Variants in PTPRD observed in about 807,000 individuals in gnomAD.
PTPRD encodes the protein receptor-type tyrosine-protein phosphatase delta.
A neutral mutation model predicts 214.5 loss-of-function variants in PTPRD; 34 were observed. That is an observed-to-expected ratio of 0.16 (90% CI 0.12 to 0.21). PTPRD has a LOEUF of 0.21. Ranked by LOEUF, PTPRD falls within the 10% of genes least tolerant of loss-of-function variation. The probability of loss-of-function intolerance (pLI) is 1.00; values close to 1 mark genes in which losing one functional copy is unlikely to be tolerated. For synonymous variants in PTPRD, 1,128 were observed against 845.7 expected, an observed-to-expected ratio of 1.33 and a Z score of -5.79; for missense variants, 2,545 against 2,398.7, an observed-to-expected ratio of 1.06 and a Z score of -1.27.
At chr9:9,918,133 G>C (rs535477623) in intron 5 of PTPRD, among the ~76,000 whole-genome samples, 2 of 151,978 alleles carry the variant, frequency 1.3e-5, no homozygotes, top group African/African-American at 4.8e-5. Context: ...TAGATGACAT[G>C]ATTTTGTACA....
At chr9:8,998,077 T>C (rs2099403874) in intron 11 of PTPRD, among the ~76,000 whole-genome samples, 2 of 152,082 alleles carry the variant, frequency 1.3e-5, no homozygotes, top group Non-Finnish European at 2.9e-5. Flanking sequence ...AACATAATAG[T>C]GCAAGGTAAA....
Position 8,735,739 on chromosome 9 carries a change from G to A in PTPRD, c.-103-1793C>T, listed in dbSNP as rs183224732. On this transcript the variant is annotated intron_variant, in intron 11 of 45. Coordinates refer to ENST00000381196, the MANE Select transcript of PTPRD (RefSeq NM_002839.4). Reference sequence around the variant, plus strand: ...AGCCTGGCCAACATGGTGAAACTCCGTCTCTACTAAAAACACAAAAAAATT... The same window carrying A: ...AGCCTGGCCAACATGGTGAAACTCCATCTCTACTAAAAACACAAAAAAATT... Among the ~76,000 whole-genome samples the A allele has an allele frequency of 1.5e-3, 225 of 151,898 alleles. 1 individual carries two copies. Among genetic ancestry groups the A allele is most frequent in the African/African-American group, 5.2e-3 (215 of 41,456 alleles).
chr9:9,549,165 T>A (rs2079568463), intron 8 of PTPRD, among the ~76,000 whole-genome samples: 1 of 152,106 alleles, frequency 6.6e-6, no homozygotes, highest in African/African-American at 2.4e-5. Flanking sequence ...AAACTCGGGC[T>A]TAATCATTTT....
intron 34 of PTPRD, among the ~76,000 whole-genome samples, chr9:8,445,624 C>G (rs530084626): frequency 6.6e-6 from 1 of 152,250 alleles, no homozygotes; most frequent in South Asian, 2.1e-4. Flanking sequence ...ATGCAGCATC[C>G]TGGGATCCTA....
chr9:8,479,595 T>C (rs1450823206), intron 30 of PTPRD, among the ~76,000 whole-genome samples: 1 of 152,156 alleles, frequency 6.6e-6, no homozygotes. Context: ...TGCAATATTC[T>C]CAACTCCTTC....
At chr9:8,652,587 G>A (rs2096834512) in intron 12 of PTPRD, among the ~76,000 whole-genome samples, 1 of 152,178 alleles carries the variant, frequency 6.6e-6, no homozygotes, top group East Asian at 1.9e-4. Context: ...ACCATTTTAG[G>A]ACCTCCTCCC....
chr9:8,753,899 C>A (rs1307333599), intron 11 of PTPRD, among the ~76,000 whole-genome samples: 2 of 152,052 alleles, frequency 1.3e-5, no homozygotes, highest in Admixed American at 1.3e-4. Flanking sequence ...AATCCCAGCA[C>A]TTTAGGAGGC....
At chr9:10,503,703 T>C (rs988482519) in intron 2 of PTPRD, among the ~76,000 whole-genome samples, 1 of 151,948 alleles carries the variant, frequency 6.6e-6, no homozygotes, top group Non-Finnish European at 1.5e-5. Flanking sequence ...GTAGGCCAGA[T>C]TAAAGATAAA....
chr9:9,749,442 G>A (rs781182096), intron 6 of PTPRD, among the ~76,000 whole-genome samples: 1 of 152,122 alleles, frequency 6.6e-6, no homozygotes, highest in East Asian at 1.9e-4. Flanking sequence ...AGGCTCAGGA[G>A]GGGAAGAACA....
intron 8 of PTPRD, among the ~76,000 whole-genome samples, chr9:9,542,768 T>C (rs1218204587): frequency 6.6e-6 from 1 of 151,730 alleles, no homozygotes; most frequent in Non-Finnish European, 1.5e-5. Context: ...AGATGACATT[T>C]CAGTTTACTA....
At chr9:10,258,673 C>T (rs192646546) in intron 3 of PTPRD, among the ~76,000 whole-genome samples, 5 of 152,186 alleles carry the variant, frequency 3.3e-5, no homozygotes, top group Admixed American at 1.3e-4. Flanking sequence ...TATAGAAATA[C>T]CAAATTTGTA....
chr9:9,902,300 TTAAA>T (rs2076587720), intron 5 of PTPRD, among the ~76,000 whole-genome samples: 1 of 152,216 alleles, frequency 6.6e-6, no homozygotes, highest in Non-Finnish European at 1.5e-5. Context: ...TTGTGAATAC[TTAAA>T]TAATTTTTGC....
At chr9:9,375,099 G>T (rs1596595316) in intron 9 of PTPRD, among the ~76,000 whole-genome samples, 1 of 152,122 alleles carries the variant, frequency 6.6e-6, no homozygotes, top group Non-Finnish European at 1.5e-5. Context: ...GTGCGTGTGT[G>T]TGTTGGCACA....
At chr9:9,707,154 T>C (rs1261774844) in intron 7 of PTPRD, among the ~76,000 whole-genome samples, 1 of 152,138 alleles carries the variant, frequency 6.6e-6, no homozygotes, top group Non-Finnish European at 1.5e-5. Flanking sequence ...GATTCTTTTG[T>C]ATATCGGTAA....
At chr9:9,371,705 AG>A (rs1240671284) in intron 9 of PTPRD, among the ~76,000 whole-genome samples, 2 of 152,080 alleles carry the variant, frequency 1.3e-5, no homozygotes, top group African/African-American at 4.8e-5. Flanking sequence ...TTGCGATGTT[AG>A]GGTGTCAATT....
intron 12 of PTPRD, among the ~76,000 whole-genome samples, chr9:8,652,505 G>A (rs542861869): frequency 6.6e-6 from 1 of 152,206 alleles, no homozygotes; most frequent in African/African-American, 2.4e-5. Flanking sequence ...GCCAGACTAA[G>A]ACATGCTGTA....
chr9:8,436,613 C>T lies in PTPRD; in HGVS notation c.4065G>A (p.Leu1355=), dbSNP rs1179879086. The T allele has an allele frequency of 3.0e-5, 49 of 1,612,970 alleles. No homozygotes were observed. The East Asian group carries it at 1.1e-3, about 36-fold the overall frequency. The part of the protein sequence containing the change: ...HIERLKANDN[L]KFSQEYESID... ...TTACCTCATATTCCTGGGAAAACTT[C>T]AAGTTGTCATTTGCTTTCAATCTTT... The change falls in exon 35 of 46, where the codon TTG becomes TTA. Residue 1355 remains leucine, a synonymous_variant. Coordinates refer to ENST00000381196, the MANE Select transcript of PTPRD (RefSeq NM_002839.4).
chr9:9,389,581 A>C (rs2065097994), intron 9 of PTPRD, among the ~76,000 whole-genome samples: 1 of 152,136 alleles, frequency 6.6e-6, no homozygotes, highest in Admixed American at 6.6e-5. Flanking sequence ...TTTAAGTTTC[A>C]CCTTTTTTAC....
intron 5 of PTPRD, among the ~76,000 whole-genome samples, chr9:9,933,221 A>G: frequency 6.6e-6 from 1 of 152,268 alleles, no homozygotes. Context: ...AAATTCACAC[A>G]TAACAATATT....
Sources: allele counts gnomAD v4.1 joint callset (sites outside exome capture counted in the v4.1 genomes callset), GRCh38; gene constraint gnomAD v4.1.1; transcripts MANE v1.5; gene names NCBI Gene and HGNC (gene_info 2026-07-23, HGNC 2026-07-21).